The following KCNB2 variants were observed in gnomAD, a reference collection of about 807,000 sequenced individuals.
The protein encoded by KCNB2 is potassium voltage-gated channel subfamily B member 2, also known as delayed rectifier potassium channel protein.
A neutral mutation model predicts 61.5 loss-of-function variants in KCNB2; 15 were observed. The observed-to-expected ratio is 0.24, with a 90% CI of 0.16 to 0.38. The LOEUF is 0.38. KCNB2 is among the 10% of genes least tolerant of loss of function. The pLI is 1.00. For missense variants in KCNB2, 828 were observed against 1,125.2 expected (o/e 0.74, Z 3.78); for synonymous variants, 457 against 446.0 (o/e 1.02, Z -0.31).
chr8:72,541,477 G>A (rs972114071), intron 1 of KCNB2, among the ~76,000 whole-genome samples: 1 of 152,038 alleles, frequency 6.6e-6, no homozygotes, highest in Non-Finnish European at 1.5e-5. Flanking sequence ...TTGAACCTAG[G>A]TGCTCTGGCT....
intron 2 of KCNB2, among the ~76,000 whole-genome samples, chr8:72,575,137 T>C (rs1008101304): frequency 6.6e-6 from 1 of 152,184 alleles, no homozygotes; most frequent in Non-Finnish European, 1.5e-5. Context: ...GGAACTTCAA[T>C]CTGAAAGTTC....
intron 2 of KCNB2, among the ~76,000 whole-genome samples, chr8:72,915,498 C>T (rs556713731): frequency 5.9e-5 from 9 of 151,608 alleles, no homozygotes; most frequent in South Asian, 2.1e-4. Flanking sequence ...TTAGGGAGTT[C>T]GATGTAGAGC....
chr8:72,929,789 G>T (rs935008558), intron 2 of KCNB2, among the ~76,000 whole-genome samples: 1 of 151,690 alleles, frequency 6.6e-6, no homozygotes, highest in African/African-American at 2.4e-5. Context: ...ACACATAATT[G>T]TTTTTTTTAT....
chr8:72,712,881 G>A (rs563859254), intron 2 of KCNB2, among the ~76,000 whole-genome samples: 3 of 152,344 alleles, frequency 2.0e-5, no homozygotes, highest in African/African-American at 7.2e-5. Flanking sequence ...CACCTGGGAA[G>A]TGCAAGGGGT....
intron 2 of KCNB2, among the ~76,000 whole-genome samples, chr8:72,814,516 T>C (rs3357): frequency 0.11 from 16,124 of 152,262 alleles, 1,135 homozygotes; most frequent in East Asian, 0.4. Context: ...CCCATCTTTA[T>C]CGTTTTAGCC....
chr8:72,898,710 G>T (rs548390192), intron 2 of KCNB2, among the ~76,000 whole-genome samples: 1 of 152,164 alleles, frequency 6.6e-6, no homozygotes, highest in African/African-American at 2.4e-5. Context: ...GTGCAGGTTT[G>T]TTACATGGGT....
chr8:72,708,802 A>G (rs1807276574), intron 2 of KCNB2, among the ~76,000 whole-genome samples: 1 of 152,174 alleles, frequency 6.6e-6, no homozygotes, highest in Non-Finnish European at 1.5e-5. Flanking sequence ...TTTTTTCTTA[A>G]TAATGGGAGC....
intron 2 of KCNB2, among the ~76,000 whole-genome samples, chr8:72,755,115 A>G (rs546320342): frequency 7.9e-4 from 120 of 152,290 alleles, no homozygotes; most frequent in African/African-American, 2.5e-3. Flanking sequence ...AAAACATGAA[A>G]CAGATTTCAA....
intron 2 of KCNB2, among the ~76,000 whole-genome samples, chr8:72,779,222 G>C (rs997589264): frequency 6.6e-6 from 1 of 152,204 alleles, no homozygotes; most frequent in Non-Finnish European, 1.5e-5. Flanking sequence ...AAAGCCAAAG[G>C]ATAGTGCAGC....
At chr8:72,587,372 A>G (rs1807016337) in intron 2 of KCNB2, among the ~76,000 whole-genome samples, 1 of 152,172 alleles carries the variant, frequency 6.6e-6, no homozygotes, top group African/African-American at 2.4e-5. Flanking sequence ...GCTCAGTGAA[A>G]GAAGCAGCGA....
chr8:72,714,152 G>A (rs1197989608), intron 2 of KCNB2, among the ~76,000 whole-genome samples: 2 of 152,156 alleles, frequency 1.3e-5, no homozygotes, highest in African/African-American at 2.4e-5. Flanking sequence ...AAGAAATATG[G>A]GACTATGTGA....
chr8:72,603,441 CCTACTAATGTGGCCT>C (rs1325388812), intron 2 of KCNB2, among the ~76,000 whole-genome samples: 1 of 152,188 alleles, frequency 6.6e-6, no homozygotes, highest in African/African-American at 2.4e-5. Flanking sequence ...CCCATATCTA[CCTACTAATGTGGCCT>C]ATTCACCTTT....
At chr8:72,685,945 C>A (rs990555499) in intron 2 of KCNB2, among the ~76,000 whole-genome samples, 1 of 152,078 alleles carries the variant, frequency 6.6e-6, no homozygotes, top group Admixed American at 6.5e-5. Context: ...GCCGAGATCG[C>A]GCCATTGCAC....
intron 1 of KCNB2, among the ~76,000 whole-genome samples, chr8:72,544,946 T>G (rs1464724066): frequency 6.6e-6 from 1 of 152,152 alleles, no homozygotes; most frequent in African/African-American, 2.4e-5. Flanking sequence ...ATAGTCACAT[T>G]GCTCTGTCAG....
intron 2 of KCNB2, among the ~76,000 whole-genome samples, chr8:72,630,788 T>C (rs138589775): frequency 1.1e-3 from 172 of 152,336 alleles, no homozygotes; most frequent in South Asian, 7.3e-3. Context: ...TTGTCCTTTG[T>C]ACTAGCATGC....
intron 2 of KCNB2, among the ~76,000 whole-genome samples, chr8:72,903,688 ACT>A (rs1806124618): frequency 6.6e-6 from 1 of 152,180 alleles, no homozygotes; most frequent in Non-Finnish European, 1.5e-5. Flanking sequence ...TATTCCAATA[ACT>A]CTAAATCCAA....
chr8:72,830,612 A>G (rs1809678888), intron 2 of KCNB2, among the ~76,000 whole-genome samples: 1 of 152,124 alleles, frequency 6.6e-6, no homozygotes, highest in Non-Finnish European at 1.5e-5. Context: ...TTTAATATCT[A>G]TGGATTGGAT....
Position 72,617,986 on chromosome 8 carries a change from A to G in KCNB2, c.579+49673A>G, listed in dbSNP as rs145294335. 5.2e-3 allele frequency among the ~76,000 whole-genome samples: 793 copies of G among 152,278 alleles called. 8 individuals are homozygous for G. The highest frequency in any genetic ancestry group is 0.018 in the African/African-American group (762 of 41,538). On this transcript the variant is annotated intron_variant, in intron 2 of 2. Coordinates refer to ENST00000523207, the MANE Select transcript of KCNB2 (RefSeq NM_004770.3). ...GGGCTCACAGCATGGAGCATTGGCA[A>G]TGACATCTGGAGTCTTTCATTATGC...
At chr8:72,578,204 A>G (rs574800417) in intron 2 of KCNB2, among the ~76,000 whole-genome samples, 69 of 152,360 alleles carry the variant, frequency 4.5e-4, no homozygotes, top group Non-Finnish European at 9.1e-4. Flanking sequence ...TTGGGAAACT[A>G]GCAGAGGCCC....
Sources: allele counts gnomAD v4.1 joint callset (sites outside exome capture counted in the v4.1 genomes callset), GRCh38; gene constraint gnomAD v4.1.1; transcripts MANE v1.5; gene names NCBI Gene and HGNC (gene_info 2026-07-23, HGNC 2026-07-21).